The following OSBPL1A variants were observed in gnomAD, a reference collection of about 807,000 sequenced individuals.
OSBPL1A encodes the protein oxysterol-binding protein-related protein 1.
OSBPL1A carries 80 observed loss-of-function variants against 137.1 expected under a neutral mutation model. That is an observed-to-expected ratio of 0.58 (90% confidence interval 0.49 to 0.70). The LOEUF (loss-of-function observed/expected upper bound fraction) is 0.70, where lower values mean the gene tolerates loss of function less well. OSBPL1A is among the 30% of genes least tolerant of loss of function. OSBPL1A has a pLI of 0.00. For synonymous variants in OSBPL1A, 365 were observed against 389.7 expected, an observed-to-expected ratio of 0.94 and a Z score of 0.75; for missense variants, 970 against 1,129.4, an observed-to-expected ratio of 0.86 and a Z score of 2.02.
At chr18:24,182,482 C>T (rs1490959224) in intron 18 of OSBPL1A, among the ~76,000 whole-genome samples, 3 of 152,148 alleles carry the variant, frequency 2.0e-5, no homozygotes, top group Non-Finnish European at 4.4e-5. Flanking sequence ...TCCTGAGGTG[C>T]GTAGTCAGGC....
chr18:24,270,358 G>C (rs1322878884), intron 15 of OSBPL1A, among the ~76,000 whole-genome samples: 4 of 152,126 alleles, frequency 2.6e-5, no homozygotes, highest in Non-Finnish European at 5.9e-5. Flanking sequence ...CTTTAATATG[G>C]AAAACCTAAC....
intron 17 of OSBPL1A, among the ~76,000 whole-genome samples, chr18:24,209,625 AAAC>A (rs1339553254): frequency 2.0e-5 from 3 of 152,242 alleles, no homozygotes; most frequent in African/African-American, 7.2e-5. Context: ...ACTGGAAAAA[AAAC>A]AAATTCCATC....
At chr18:24,167,205 TG>T (rs2086163621) in intron 25 of OSBPL1A, 123 bp downstream of exon 25, 8 of 820,826 alleles carry the variant, frequency 9.7e-6, no homozygotes, top group South Asian at 1.6e-5. Context: ...CGGGAGCCAG[TG>T]GGGGCTCAGG....
At chr18:24,299,997 A>G (rs2146098187) in intron 14 of OSBPL1A, among the ~76,000 whole-genome samples, 1 of 152,352 alleles carries the variant, frequency 6.6e-6, no homozygotes, top group Middle Eastern at 3.4e-3. Flanking sequence ...TTAAGGATGT[A>G]TGGAAGAATG....
intron 18 of OSBPL1A, among the ~76,000 whole-genome samples, chr18:24,183,592 C>G (rs1011216648): frequency 1.3e-5 from 2 of 151,302 alleles, no homozygotes; most frequent in South Asian, 2.1e-4. Context: ...AGCACCATGC[C>G]TGGCTAATTT....
chr18:24,311,419 A>G (rs530165949), intron 13 of OSBPL1A: 96 of 971,822 alleles, frequency 9.9e-5, no homozygotes, highest in South Asian at 8.6e-4. Context: ...CAGAAAATTG[A>G]TGACCCCTCA....
At chr18:24,314,850 A>AT (rs1254990569) in intron 11 of OSBPL1A, among the ~76,000 whole-genome samples, 4 of 152,338 alleles carry the variant, frequency 2.6e-5, no homozygotes, top group African/African-American at 9.6e-5. Flanking sequence ...TTTATGCCAG[A>AT]GGTTGCAAAA....
chr18:24,250,521 C>G (rs1392789695), intron 15 of OSBPL1A, among the ~76,000 whole-genome samples: 1 of 152,194 alleles, frequency 6.6e-6, no homozygotes, highest in Non-Finnish European at 1.5e-5. Flanking sequence ...AGGGAACCTG[C>G]TGCCTAGAAG....
chr18:24,283,278 A>AAT (rs2089998790), intron 14 of OSBPL1A, among the ~76,000 whole-genome samples: 1 of 99,394 alleles, frequency 1.0e-5, no homozygotes, highest in African/African-American at 3.5e-5. Flanking sequence ...AAAAAAAAAA[A>AAT]AAAATATATA....
At chr18:24,308,059 C>T (rs1160217897) in intron 13 of OSBPL1A, among the ~76,000 whole-genome samples, 1 of 151,710 alleles carries the variant, frequency 6.6e-6, no homozygotes, top group Admixed American at 6.6e-5. Context: ...ATTCTTAAAT[C>T]AGAAAAGCTT....
In OSBPL1A at chr18:24,262,886, T is replaced by C. The variant is rs58140774; in HGVS notation, c.1281+17956A>G. On this transcript the variant is annotated intron_variant, in intron 15 of 27. Transcript: ENST00000319481. ...AATAAATGGAATCATGCAGGGTGTG[T>C]ACTCTTTTGTATCTAGCTTTTTTTA... 9.8e-3 allele frequency among the ~76,000 whole-genome samples: 1,488 copies of C among 152,254 alleles called. 30 individuals are homozygous for C. The highest frequency in any genetic ancestry group is 0.033 in the African/African-American group (1,357 of 41,554).
chr18:24,388,427 C>T (rs1329460879), intron 1 of OSBPL1A, among the ~76,000 whole-genome samples: 2 of 152,004 alleles, frequency 1.3e-5, no homozygotes, highest in Admixed American at 1.3e-4. Context: ...ACAGGCAATG[C>T]CTTACAAAAG....
intron 4 of OSBPL1A, among the ~76,000 whole-genome samples, chr18:24,361,996 CAAAAAAAAAAA>C (rs200189504): frequency 5.7e-5 from 3 of 52,182 alleles, no homozygotes; most frequent in African/African-American, 1.9e-4. Flanking sequence ...GACTCCATCT[CAAAAAAAAAAA>C]AAAAAAAAAA....
At chr18:24,176,745 C>T (rs1179206562) in intron 21 of OSBPL1A, among the ~76,000 whole-genome samples, 1 of 152,216 alleles carries the variant, frequency 6.6e-6, no homozygotes, top group Non-Finnish European at 1.5e-5. Flanking sequence ...CTCAGATCCA[C>T]CCCTCAATAG....
intron 5 of OSBPL1A, among the ~76,000 whole-genome samples, chr18:24,341,097 A>G (rs941023674): frequency 2.0e-5 from 3 of 152,162 alleles, no homozygotes; most frequent in African/African-American, 7.2e-5. Context: ...CTAGGCTCAA[A>G]CAATCCTCCT....
chr18:24,238,354 C>G (rs1444281584), intron 16 of OSBPL1A, among the ~76,000 whole-genome samples: 1 of 152,200 alleles, frequency 6.6e-6, no homozygotes, highest in African/African-American at 2.4e-5. Context: ...TCTCCAACCA[C>G]CCCCTTCCAT....
chr18:24,177,137 T>A (rs1327627426), intron 21 of OSBPL1A, among the ~76,000 whole-genome samples: 1 of 152,232 alleles, frequency 6.6e-6, no homozygotes, highest in Non-Finnish European at 1.5e-5. Context: ...AGAAGGACTC[T>A]GAGGTACGTG....
intron 14 of OSBPL1A, among the ~76,000 whole-genome samples, chr18:24,283,327 G>GACACACAC (rs149819782): frequency 1.0e-5 from 1 of 99,996 alleles, no homozygotes; most frequent in Admixed American, 1.0e-4. Flanking sequence ...CACACACACA[G>GACACACAC]ACACACACAC....
At chr18:24,255,623 T>C (rs2089249705) in intron 15 of OSBPL1A, among the ~76,000 whole-genome samples, 1 of 152,212 alleles carries the variant, frequency 6.6e-6, no homozygotes, top group Non-Finnish European at 1.5e-5. Flanking sequence ...CCAATGTTCA[T>C]CTTACATATG....
Sources: allele counts gnomAD v4.1 joint callset (sites outside exome capture counted in the v4.1 genomes callset), GRCh38; gene constraint gnomAD v4.1.1; transcripts MANE v1.5; gene names NCBI Gene and HGNC (gene_info 2026-07-23, HGNC 2026-07-21).